PTPN11: variants seen among roughly 807,000 people sequenced by gnomAD.
The protein encoded by PTPN11 is tyrosine-protein phosphatase non-receptor type 11.
Under a neutral mutation model 78.8 loss-of-function variants are expected in PTPN11, and 6 were observed. The ratio of observed to expected loss-of-function variants is 0.08; its 90% confidence interval spans 0.04 to 0.15. The LOEUF (loss-of-function observed/expected upper bound fraction) is 0.15, where lower values mean the gene tolerates loss of function less well. PTPN11 is among the 10% of genes least tolerant of loss of function. The pLI is 1.00. For missense variants in PTPN11, 386 were observed against 744.8 expected, an observed-to-expected ratio of 0.52 and a Z score of 5.61; for synonymous variants, 221 against 263.5, an observed-to-expected ratio of 0.84 and a Z score of 1.56.
intron 2 of PTPN11, 96 bp from the exon 3 acceptor site, chr12:112,450,222 C>A: frequency 2.5e-6 from 3 of 1,178,676 alleles, no homozygotes; most frequent in South Asian, 1.2e-5. Context: ...TTTCTTTCAA[C>A]ACTTAGGTAA....
chr12:112,477,611 A>G (rs763528694), intron 7 of PTPN11, 40 bp from the exon 8 acceptor site: 1 of 1,484,088 alleles, frequency 6.7e-7, no homozygotes, highest in South Asian at 1.1e-5. Context: ...TTCCTGAAGC[A>G]GTCCAGGACT....
intron 1 of PTPN11, among the ~76,000 whole-genome samples, chr12:112,440,529 G>A (rs952105225): frequency 1.4e-5 from 2 of 146,190 alleles, no homozygotes; most frequent in South Asian, 4.3e-4. Context: ...CTCCCAAAGT[G>A]CCGGGATTAC....
intron 5 of PTPN11, 144 bp from the exon 6 acceptor site, chr12:112,455,806 T>C (rs2038150428): frequency 3.1e-6 from 2 of 652,710 alleles, no homozygotes; most frequent in Non-Finnish European, 5.5e-6. Context: ...TTGAAAACTT[T>C]TATTGTGAAT....
Position 112,488,483 on chromosome 12 carries a change from A to G in PTPN11, c.1420A>G (p.Ile474Val), listed in dbSNP as rs2135915117. The change falls in exon 12 of 16, where the codon ATT becomes GTT. Residue 474 changes from isoleucine (I) to valine (V), a missense_variant. Ile to Val is a conservative substitution (Grantham distance 29, BLOSUM62 3). Around this residue, in one of 3 missense-constraint regions of PTPN11, gnomAD observed 63 missense variants for 182.2 expected, o/e 0.35. Transcript: ENST00000351677. ...GRTGTFIVIDILIDIIREKGV... is the reference protein window; with the variant it reads ...GRTGTFIVIDVLIDIIREKGV... ...GACAGGGACGTTCATTGTGATTGAT[A>G]TTCTTATTGACATCATCAGAGAGAA... is the stretch of plus-strand genomic sequence containing the variant. The G allele has an allele frequency of 1.2e-6, 2 of 1,612,654 alleles. No homozygotes were observed. Among genetic ancestry groups the G allele is most frequent in the Middle Eastern group, 3.3e-4 (2 of 6,056 alleles).
chr12:112,480,709 C>A (rs764280780), intron 9 of PTPN11, among the ~76,000 whole-genome samples: 14 of 152,036 alleles, frequency 9.2e-5, no homozygotes, highest in Non-Finnish European at 1.8e-4. Context: ...TTTCTTTTTT[C>A]TTTCAATTAA....
Position 112,477,672 on chromosome 12 carries a change from T to C in PTPN11, c.875T>C (p.Leu292Pro). The part of the protein sequence containing the change: ...ILPFDHTRVV[L>P]HDGDPNEPVS... ...CTAGTTGATCATACCAGGGTTGTCC[T>C]ACACGATGGTGATCCCAATGAGCCT... Residue 292 changes from leucine to proline, a missense_variant, in exon 8 of 16, where the codon CTA becomes CCA. Physicochemically the swap from Leu to Pro is moderately conservative, Grantham distance 98 (BLOSUM62 -3). Coordinates refer to ENST00000351677, the MANE Select transcript of PTPN11 (RefSeq NM_002834.5). 1 of 1,612,790 alleles carries C rather than the reference T, an allele frequency of 6.2e-7. No homozygotes were observed. Among genetic ancestry groups the C allele is most frequent in the Non-Finnish European group, 8.5e-7 (1 of 1,179,260 alleles).
chr12:112,481,870 C>T (rs542701754), intron 9 of PTPN11, among the ~76,000 whole-genome samples: 2 of 152,294 alleles, frequency 1.3e-5, no homozygotes, highest in East Asian at 3.9e-4. Context: ...CTGCCTTTCT[C>T]CTCCCACTTC....
intron 1 of PTPN11, among the ~76,000 whole-genome samples, chr12:112,443,653 CT>C (rs150851094): frequency 3.0e-3 from 394 of 131,634 alleles, no homozygotes; most frequent in Admixed American, 3.4e-3. Flanking sequence ...TGTGCCCGGT[CT>C]TTTTTTTTTT....
intron 1 of PTPN11, among the ~76,000 whole-genome samples, chr12:112,429,481 CTTTT>C (rs1177861343): frequency 9.9e-5 from 11 of 110,822 alleles, no homozygotes; most frequent in African/African-American, 3.4e-4. Flanking sequence ...GTTGAAACTA[CTTTT>C]TTTTTTTTTT....
In PTPN11 at chr12:112,435,107, G is replaced by A. The variant is rs566561037; in HGVS notation, c.15-11169G>A. Among the ~76,000 whole-genome samples the A allele has an allele frequency of 1.2e-4, 18 of 152,012 alleles. No individual in the cohort carries two copies. In the South Asian group the frequency reaches 3.5e-3, roughly 30 times the overall value. On this transcript the variant is annotated intron_variant, in intron 1 of 15. Coordinates refer to ENST00000351677, the MANE Select transcript of PTPN11 (RefSeq NM_002834.5). The stretch of plus-strand genomic sequence containing the variant: ...AATCGCAGCTCACTGCAACCCCGAC[G>A]TCCCAGGCTCAGGCAATCTTTCCGT...
chr12:112,496,266 G>A (rs754593146), intron 13 of PTPN11, among the ~76,000 whole-genome samples: 11 of 152,018 alleles, frequency 7.2e-5, no homozygotes, highest in Non-Finnish European at 1.6e-4. Context: ...CCACCCTCTC[G>A]TTTCTGAGTA....
chr12:112,452,490 T>C (rs1459682682), intron 3 of PTPN11, among the ~76,000 whole-genome samples: 2 of 151,852 alleles, frequency 1.3e-5, no homozygotes, highest in Non-Finnish European at 2.9e-5. Context: ...CCTCCCAAAG[T>C]GTTGGGATTA....
chr12:112,449,191 C>CTTT (rs200333899), intron 2 of PTPN11, among the ~76,000 whole-genome samples: 2 of 142,908 alleles, frequency 1.4e-5, no homozygotes, highest in Non-Finnish European at 3.1e-5. Flanking sequence ...CTGGCCATCA[C>CTTT]TTTTTTTTTT....
intron 6 of PTPN11, among the ~76,000 whole-genome samples, chr12:112,456,398 ACAAT>A (rs2038159952): frequency 6.6e-6 from 1 of 152,028 alleles, no homozygotes; most frequent in African/African-American, 2.4e-5. Context: ...GTCTTTAGAA[ACAAT>A]CTATAGCCTT....
At position 112,442,003 on chromosome 12, in the gene PTPN11, T is replaced by G. The variant is rs2037899646; in HGVS notation, c.15-4273T>G. ...TGTGTTAGCCAGGATGGTCTCGATC[T>G]CCTGACCTTGTGATCCGCCCGCCTC... is the stretch of plus-strand genomic sequence containing the variant. On this transcript the variant is annotated intron_variant, in intron 1 of 15. Coordinates refer to ENST00000351677, the MANE Select transcript of PTPN11 (RefSeq NM_002834.5). Among the ~76,000 whole-genome samples, 3 of 151,418 alleles carry G rather than the reference T, an allele frequency of 2.0e-5. No individual in the cohort carries two copies. In the South Asian group the frequency reaches 6.3e-4, roughly 32 times the overall value.
rs752053635 is a variant in PTPN11 at position 112,419,162 on chromosome 12, C to T, written c.14+37C>T. The T allele has an allele frequency of 3.4e-5, 51 of 1,484,604 alleles. No homozygotes were observed. The South Asian group carries it at 6.5e-4, about 19-fold the overall frequency. The allele number at this position is 1,484,604 out of a possible 1,614,324, so 92.0% of individuals were successfully genotyped here. A position where few individuals can be genotyped will look rare whatever the true frequency, so the allele number is the denominator to read the frequency against. On this transcript the variant is annotated intron_variant, in intron 1 of 15. Coordinates refer to ENST00000351677, the MANE Select transcript of PTPN11 (RefSeq NM_002834.5). ...CGAGGGGCCCGGCGCGGGCCTCGGC[C>T]CGGCCACCGCCGCGTTCGGTTAGCC...
At chr12:112,490,089 TA>T (rs2038727769) in intron 13 of PTPN11, among the ~76,000 whole-genome samples, 1 of 152,202 alleles carries the variant, frequency 6.6e-6, no homozygotes, top group Non-Finnish European at 1.5e-5. Flanking sequence ...TATAGAAATG[TA>T]AGGTCAAAAT....
At chr12:112,474,100 G>A (rs971888196) in intron 7 of PTPN11, among the ~76,000 whole-genome samples, 1 of 152,132 alleles carries the variant, frequency 6.6e-6, no homozygotes, top group Non-Finnish European at 1.5e-5. Flanking sequence ...TGTAATCCCA[G>A]CACCCTGGGA....
chr12:112,432,813 C>A (rs192739859), intron 1 of PTPN11, among the ~76,000 whole-genome samples: 2,076 of 145,034 alleles, frequency 0.014, 51 homozygotes, highest in African/African-American at 0.049. Context: ...GACCCCATCT[C>A]AAAAAAAAAA....
Sources: gnomAD v4.1 joint callset for allele counts (sites outside exome capture counted in the v4.1 genomes callset) on GRCh38, gnomAD v4.1.1 for gene constraint, gnomAD v4.1.1 regional missense constraint, MANE v1.5 for transcripts, NCBI Gene and HGNC (gene_info 2026-07-23, HGNC 2026-07-21) for gene names.